Variants in ANK3 observed in about 807,000 individuals in gnomAD.
ANK3 encodes ankyrin-3.
Under a neutral mutation model 370.9 loss-of-function variants are expected in ANK3, and 57 were observed. The observed-to-expected ratio is 0.15, with a 90% CI of 0.12 to 0.19. The LOEUF is 0.19. Ranked by LOEUF, ANK3 falls within the 10% of genes least tolerant of loss-of-function variation. ANK3 has a pLI of 1.00. For synonymous variants in ANK3, 1,929 were observed against 1,946.3 expected, an observed-to-expected ratio of 0.99 and a Z score of 0.23; for missense variants, 4,439 against 5,302.1, an observed-to-expected ratio of 0.84 and a Z score of 5.06.
chr10:60,700,081 C>T (rs1005743778), intron 1 of ANK3, among the ~76,000 whole-genome samples: 4 of 152,104 alleles, frequency 2.6e-5, no homozygotes, highest in Admixed American at 1.3e-4. Context: ...CCACTCCTCT[C>T]CCAGTCAGCT....
At chr10:60,615,190 C>G (rs755201948) in exon 2 of ANK3, 1 of 1,515,266 alleles carries the variant, frequency 6.6e-7, no homozygotes, top group Non-Finnish European at 8.8e-7. Context: ...CATTACCTTT[C>G]TAGAGCTTCG....
chr10:60,169,286 C>G (rs778968305), intron 21 of ANK3, among the ~76,000 whole-genome samples: 5 of 149,358 alleles, frequency 3.3e-5, no homozygotes, highest in Non-Finnish European at 5.9e-5. Flanking sequence ...TTGCATTTGA[C>G]TTTCCTTGTT....
chr10:60,534,418 C>A (rs999985291), intron 2 of ANK3, among the ~76,000 whole-genome samples: 14 of 152,052 alleles, frequency 9.2e-5, no homozygotes, highest in Non-Finnish European at 1.9e-4. Context: ...CTGTGAAGGT[C>A]AAGAGTCAAC....
In ANK3 at chr10:60,083,578, T is replaced by G. The variant is rs1379779681; in HGVS notation, c.4114A>C (p.Asn1372His). 6 of 1,610,846 alleles carry G rather than the reference T, an allele frequency of 3.7e-6. No homozygotes were observed. In the East Asian group the frequency reaches 1.1e-4, roughly 30 times the overall value. Residue 1372 changes from asparagine (N) to histidine (H), a missense_variant, in exon 33 of 44, where the codon AAT (asparagine) becomes CAT (histidine). By Grantham distance (68) the Asn-to-His change is moderately conservative. This residue lies in a region of ANK3 where 702 missense variants were observed against 941.5 expected (regional missense o/e 0.75). Transcript: ENST00000280772. Reference sequence around the variant, plus strand: ...CCTCCTTTGGTAAGTGGGGCCAAATTTCCATAACAATCAACATAAATAGGT... The same window carrying G: ...CCTCCTTTGGTAAGTGGGGCCAAATGTCCATAACAATCAACATAAATAGGT... Reference protein sequence around the residue: ...GKPIYVDCYGNLAPLTKGGQQ... With the variant: ...GKPIYVDCYGHLAPLTKGGQQ...
intron 1 of ANK3, among the ~76,000 whole-genome samples, chr10:60,626,211 A>T (rs10821804): frequency 0.27 from 40,983 of 152,046 alleles, 6,653 homozygotes; most frequent in South Asian, 0.5. Flanking sequence ...CATACTTTCT[A>T]AGTAAACAAA....
In ANK3 at chr10:60,075,894, T is replaced by C. The variant is rs527940682; in HGVS notation, c.4987A>G (p.Ile1663Val). The C allele has an allele frequency of 4.3e-6, 7 of 1,614,140 alleles. No individual in the cohort carries two copies. The South Asian group carries it at 6.6e-5, about 15-fold the overall frequency. The stretch of plus-strand genomic sequence containing the variant: ...ATTAGCGGTGCTGCTGATGTAATAA[T>C]TGACTTAAATGGCAAACTTGAGGAA... ...MYSSSLPFKSIITSAAPLISS... is the reference protein window; with the variant it reads ...MYSSSLPFKSVITSAAPLISS... The change falls in exon 37 of 44, where the codon ATT becomes GTT. Residue 1663 changes from isoleucine (I) to valine (V), a missense_variant. Physicochemically the swap from Ile to Val is conservative, Grantham distance 29. Around this residue, in one of 13 missense-constraint regions of ANK3, gnomAD observed 679 missense variants for 791.0 expected, o/e 0.86. Transcript: ENST00000280772.
At chr10:60,635,438 T>A (rs533277187) in intron 1 of ANK3, among the ~76,000 whole-genome samples, 1 of 152,158 alleles carries the variant, frequency 6.6e-6, no homozygotes. Context: ...ATTGAATAGA[T>A]AGAAGTACAA....
intron 24 of ANK3, chr10:60,137,387 A>AAC (rs1463588234): frequency 1.4e-5 from 5 of 367,088 alleles, no homozygotes; most frequent in African/African-American, 1.1e-4. Context: ...AAAAAAAAAA[A>AAC]AAAAACAAGA....
chr10:60,431,426 C>G (rs968865843), intron 2 of ANK3, among the ~76,000 whole-genome samples: 7 of 152,202 alleles, frequency 4.6e-5, no homozygotes, highest in Admixed American at 1.3e-4. Flanking sequence ...GCTGTAAATA[C>G]AGATGAAGTT....
intron 2 of ANK3, chr10:60,572,862 C>T: frequency 1.9e-6 from 2 of 1,058,140 alleles, no homozygotes; most frequent in African/African-American, 1.7e-5. Context: ...CTTGTTCCTC[C>T]ACAGTGATTT....
chr10:60,329,219 G>A (rs371438617), intron 1 of ANK3, among the ~76,000 whole-genome samples: 7 of 152,082 alleles, frequency 4.6e-5, no homozygotes, highest in Middle Eastern at 3.2e-3. Flanking sequence ...CTTGAAAACC[G>A]GCACAAGACA....
intron 2 of ANK3, among the ~76,000 whole-genome samples, chr10:60,421,634 G>A (rs542730664): frequency 6.6e-6 from 1 of 152,072 alleles, no homozygotes; most frequent in Admixed American, 6.6e-5. Context: ...CTCCCTAGGA[G>A]TTCCCCTCCC....
At chr10:60,054,039 C>T (rs1356606118) in intron 42 of ANK3, among the ~76,000 whole-genome samples, 1 of 152,208 alleles carries the variant, frequency 6.6e-6, no homozygotes, top group Non-Finnish European at 1.5e-5. Context: ...TAAGTTTCCA[C>T]TCAAGGTTTA....
intron 25 of ANK3, among the ~76,000 whole-genome samples, chr10:60,115,087 A>C (rs149167144): frequency 6.6e-6 from 1 of 152,358 alleles, no homozygotes; most frequent in African/African-American, 2.4e-5. Context: ...CAGGAAGCTC[A>C]AAACCTAACC....
chr10:60,372,974 G>T (rs1458088661), intron 1 of ANK3, among the ~76,000 whole-genome samples: 1 of 152,106 alleles, frequency 6.6e-6, no homozygotes, highest in Non-Finnish European at 1.5e-5. Flanking sequence ...AAAAATAGAG[G>T]CATGATCAGT....
chr10:60,212,359 G>A (rs907645984), intron 9 of ANK3, among the ~76,000 whole-genome samples: 1 of 152,094 alleles, frequency 6.6e-6, no homozygotes, highest in Non-Finnish European at 1.5e-5. Flanking sequence ...GGAAATGGGG[G>A]ACCAACAGGA....
chr10:60,486,120 C>T (rs2075341066), intron 2 of ANK3, among the ~76,000 whole-genome samples: 1 of 152,126 alleles, frequency 6.6e-6, no homozygotes, highest in Admixed American at 6.5e-5. Flanking sequence ...ACACTAGAAG[C>T]AGTATTTCTG....
chr10:60,483,526 T>C (rs529566589), intron 2 of ANK3, among the ~76,000 whole-genome samples: 1 of 152,330 alleles, frequency 6.6e-6, no homozygotes, highest in Non-Finnish European at 1.5e-5. Context: ...AAAAATAAGA[T>C]GACAAAGACC....
At chr10:60,618,269 C>G (rs979737268) in intron 1 of ANK3, among the ~76,000 whole-genome samples, 1 of 151,956 alleles carries the variant, frequency 6.6e-6, no homozygotes, top group Admixed American at 6.6e-5. Context: ...TATATATAGC[C>G]AAAAAGAATT....
Sources: gnomAD v4.1 joint callset for allele counts (sites outside exome capture counted in the v4.1 genomes callset) on GRCh38, gnomAD v4.1.1 for gene constraint, gnomAD v4.1.1 regional missense constraint, MANE v1.5 for transcripts, NCBI Gene and HGNC (gene_info 2026-07-23, HGNC 2026-07-21) for gene names.